The following ARHGAP44 variants were observed in gnomAD, a reference collection of about 807,000 sequenced individuals.
ARHGAP44 encodes the protein rho GTPase-activating protein 44.
Under a neutral mutation model 106.8 loss-of-function variants are expected in ARHGAP44, and 43 were observed. That is an observed-to-expected ratio of 0.40 (90% CI 0.32 to 0.52). The LOEUF is 0.52. Among genes scored for constraint, ARHGAP44 ranks in the 20% least tolerant of loss-of-function variants. The pLI is 0.48. For missense variants in ARHGAP44, 866 were observed against 1,050.5 expected (o/e 0.82, Z 2.43); for synonymous variants, 439 against 410.3 (o/e 1.07, Z -0.85).
intron 20 of ARHGAP44, 128 bp from the exon 21 acceptor site, chr17:12,989,904 C>T (rs1324527576): frequency 1.5e-6 from 2 of 1,366,648 alleles, no homozygotes; most frequent in Non-Finnish European, 2.0e-6. Context: ...CTTAAACCAA[C>T]CTCCAAATGA....
chr17:12,974,227 G>C lies in ARHGAP44; in HGVS notation c.1680G>C (p.Leu560=). 6.5e-7 allele frequency: 1 copy of C among 1,545,888 alleles called. No individual in the cohort carries two copies. Among genetic ancestry groups the C allele is most frequent in the Non-Finnish European group, 8.7e-7 (1 of 1,145,390 alleles). ...TGGCTGCGCCCCTGCCTTCGCCGCT[G>C]CCGGAGCAGCCCCTGGACAGCCCCG... ...AELAAPLPSP[L]PEQPLDSPAA... The change falls in exon 18 of 21, where the codon CTG becomes CTC. Residue 560 remains leucine (L), a synonymous_variant. Transcript: ENST00000379672.
rs1043805478 is a variant in ARHGAP44 at position 12,789,719 on chromosome 17, C to G, written c.-120C>G. On this transcript the variant is annotated 5_prime_UTR_variant, in exon 1 of 21. Transcript: ENST00000379672. ...GCGCGGGCCAGACGGCGCCCGGAGG[C>G]TCCGCAGTGCCGCCGCCGTCGCCCG... 2.2e-6 allele frequency: 2 copies of G among 912,318 alleles called. No homozygotes were observed. Among genetic ancestry groups the G allele is most frequent in the Non-Finnish European group, 3.0e-6 (2 of 674,888 alleles). The allele number at this position is 912,318 out of a possible 1,614,324, so 56.5% of individuals were successfully genotyped here.
intron 4 of ARHGAP44, among the ~76,000 whole-genome samples, chr17:12,912,893 C>G (rs902734581): frequency 1.3e-5 from 2 of 152,168 alleles, no homozygotes; most frequent in African/African-American, 2.4e-5. Context: ...CCTATTCTTT[C>G]TCAGCAAGCT....
intron 1 of ARHGAP44, among the ~76,000 whole-genome samples, chr17:12,892,645 C>A (rs1315833443): frequency 6.6e-6 from 1 of 152,030 alleles, no homozygotes; most frequent in Non-Finnish European, 1.5e-5. Context: ...GTTATAGCCC[C>A]ACAGGTCCCT....
In ARHGAP44 at chr17:12,980,140, ACTCAACCAGGGG is replaced by A. The variant is rs762768820; in HGVS notation, c.1854_1865del (p.Gln625_Ala628del). ...CAGCCAGGGCACAGCCTGTGCAGGG[ACTCAACCAGGGG>A]CTCAACCTGGAGCTCAGCCGGGCGC... On this transcript the variant is annotated inframe_deletion, in exon 19 of 21. Coordinates refer to ENST00000379672, the MANE Select transcript of ARHGAP44 (RefSeq NM_014859.6). The A allele has an allele frequency of 1.2e-4, 198 of 1,613,698 alleles. No individual in the cohort carries two copies. The highest frequency in any genetic ancestry group is 3.3e-4 in the Middle Eastern group (2 of 6,032).
intron 1 of ARHGAP44, among the ~76,000 whole-genome samples, chr17:12,878,044 T>G (rs1331329081): frequency 6.6e-6 from 1 of 152,248 alleles, no homozygotes; most frequent in Non-Finnish European, 1.5e-5. Context: ...ACACCTCAGT[T>G]ATGAATTAGC....
At chr17:12,902,809 A>G (rs1231920204) in intron 3 of ARHGAP44, among the ~76,000 whole-genome samples, 1 of 152,228 alleles carries the variant, frequency 6.6e-6, no homozygotes, top group East Asian at 1.9e-4. Context: ...AAGAATCATA[A>G]TAATTCCCTA....
At chr17:12,923,010 A>G (rs1385248227) in intron 6 of ARHGAP44, among the ~76,000 whole-genome samples, 3 of 152,084 alleles carry the variant, frequency 2.0e-5, no homozygotes. Flanking sequence ...AGGAAATTCT[A>G]CCCCACCCCC....
intron 18 of ARHGAP44, among the ~76,000 whole-genome samples, chr17:12,975,897 T>C (rs973915100): frequency 6.6e-6 from 1 of 151,760 alleles, no homozygotes; most frequent in Non-Finnish European, 1.5e-5. Flanking sequence ...TGACAGCACT[T>C]GGTTATGCAT....
chr17:12,867,293 C>T (rs140591007), intron 1 of ARHGAP44, among the ~76,000 whole-genome samples: 7 of 152,140 alleles, frequency 4.6e-5, no homozygotes, highest in Non-Finnish European at 1.0e-4. Context: ...TCCTGTCTCA[C>T]GGAGGTGATC....
At chr17:12,899,155 G>C (rs899376910) in intron 3 of ARHGAP44, among the ~76,000 whole-genome samples, 4 of 152,016 alleles carry the variant, frequency 2.6e-5, no homozygotes, top group African/African-American at 9.7e-5. Context: ...ATTTTTAGTA[G>C]AGACAGGGTT....
At chr17:12,987,245 C>T in intron 20 of ARHGAP44, 1 of 1,145,544 alleles carries the variant, frequency 8.7e-7, no homozygotes, top group Non-Finnish European at 1.2e-6. Flanking sequence ...GCATGTGGCT[C>T]AGACCATTTG....
At position 12,842,455 on chromosome 17, in the gene ARHGAP44, G is replaced by GAAAAGA. The variant is rs1555546258; in HGVS notation, c.54-52481_54-52480insGAAAAA. Among the ~76,000 whole-genome samples, 4 of 146,414 alleles carry GAAAAGA rather than the reference G, an allele frequency of 2.7e-5. No individual in the cohort carries two copies. The East Asian group carries it at 6.0e-4, about 22-fold the overall frequency. ...AAAAGAAAGAAAAAAGAAAAGAAAA[G>GAAAAGA]AAAAAAATCATCCCAGGTTATCCAA... On this transcript the variant is annotated intron_variant, in intron 1 of 20. Coordinates refer to ENST00000379672, the MANE Select transcript of ARHGAP44 (RefSeq NM_014859.6).
intron 16 of ARHGAP44, among the ~76,000 whole-genome samples, chr17:12,960,237 G>A (rs1567710212): frequency 6.6e-6 from 1 of 151,894 alleles, no homozygotes; most frequent in African/African-American, 2.4e-5. Context: ...ATTCAAATGA[G>A]TATGAAAAAA....
intron 2 of ARHGAP44, among the ~76,000 whole-genome samples, chr17:12,896,205 A>G (rs887508147): frequency 6.6e-6 from 1 of 152,108 alleles, no homozygotes; most frequent in East Asian, 1.9e-4. Flanking sequence ...ACGTGTATAC[A>G]TATGTAACAA....
intron 10 of ARHGAP44, among the ~76,000 whole-genome samples, 151 bp downstream of exon 10, chr17:12,944,347 A>G (rs2038792261): frequency 6.6e-6 from 1 of 152,174 alleles, no homozygotes; most frequent in Non-Finnish European, 1.5e-5. Context: ...CTTCTGCAGA[A>G]CACAAATTGA....
intron 1 of ARHGAP44, among the ~76,000 whole-genome samples, chr17:12,873,013 C>T (rs1324963171): frequency 6.6e-6 from 1 of 152,186 alleles, no homozygotes; most frequent in African/African-American, 2.4e-5. Flanking sequence ...CTGTTGTCCC[C>T]TAATTCCCAT....
At chr17:12,791,800 T>A (rs1433606549) in intron 1 of ARHGAP44, among the ~76,000 whole-genome samples, 1 of 152,198 alleles carries the variant, frequency 6.6e-6, no homozygotes, top group Non-Finnish European at 1.5e-5. Context: ...GTTGGGGCTC[T>A]GGTGGATGTT....
chr17:12,965,057 C>A (rs897395782), intron 16 of ARHGAP44, among the ~76,000 whole-genome samples: 6 of 152,140 alleles, frequency 3.9e-5, no homozygotes, highest in Admixed American at 3.9e-4. Flanking sequence ...TCCATCTGTT[C>A]TGTTGCCCCT....
Sources: allele counts gnomAD v4.1 joint callset (sites outside exome capture counted in the v4.1 genomes callset), GRCh38; gene constraint gnomAD v4.1.1; transcripts MANE v1.5; gene names NCBI Gene and HGNC (gene_info 2026-07-23, HGNC 2026-07-21).